GBF1: variants seen among roughly 807,000 people sequenced by gnomAD.
The protein encoded by GBF1 is golgi brefeldin A resistant guanine nucleotide exchange factor 1.
Under a neutral mutation model 210.5 loss-of-function variants are expected in GBF1, and 114 were observed. The observed-to-expected ratio is 0.54, with a 90% CI of 0.47 to 0.63. The LOEUF (loss-of-function observed/expected upper bound fraction) is 0.63. GBF1 is among the 30% of genes least tolerant of loss of function. GBF1 has a pLI of 0.00. For synonymous variants in GBF1, 850 were observed against 889.2 expected (o/e 0.96, Z 0.78); for missense variants, 1,851 against 2,357.7 (o/e 0.79, Z 4.45).
chr10:102,318,429 G>C (rs1009459522), intron 3 of GBF1, among the ~76,000 whole-genome samples: 1 of 149,382 alleles, frequency 6.7e-6, no homozygotes, highest in Non-Finnish European at 1.5e-5. Flanking sequence ...GGGCTCAAGC[G>C]ATCCACCTAC....
At chr10:102,306,845 T>G (rs2077926018) in intron 3 of GBF1, among the ~76,000 whole-genome samples, 1 of 152,266 alleles carries the variant, frequency 6.6e-6, no homozygotes, top group African/African-American at 2.4e-5. Context: ...GAAGCTGGTC[T>G]TGTTTCCTCA....
intron 3 of GBF1, among the ~76,000 whole-genome samples, chr10:102,334,709 C>T (rs966223525): frequency 6.6e-6 from 1 of 152,024 alleles, no homozygotes; most frequent in African/African-American, 2.4e-5. Context: ...ATTAGCCAGG[C>T]GTGGTGGCTT....
intron 3 of GBF1, among the ~76,000 whole-genome samples, chr10:102,330,726 C>G (rs955689646): frequency 1.3e-5 from 2 of 151,878 alleles, no homozygotes; most frequent in East Asian, 3.9e-4. Flanking sequence ...GTAGCTGTTG[C>G]TGATGTCTGA....
chr10:102,305,865 T>G (rs956028965), intron 3 of GBF1, among the ~76,000 whole-genome samples: 18 of 152,230 alleles, frequency 1.2e-4, no homozygotes, highest in African/African-American at 4.1e-4. Flanking sequence ...ATGATCACTT[T>G]AAATGAGTGT....
Position 102,369,288 on chromosome 10 carries a change from C to T in GBF1, c.3051C>T (p.Ala1017=). 1 of 1,613,606 alleles carries T rather than the reference C, an allele frequency of 6.2e-7. No homozygotes were observed. Among genetic ancestry groups the T allele is most frequent in the African/African-American group, 1.3e-5 (1 of 75,032 alleles). ...HIAAKTVFHL[A]HRHGDILREG... ...CAGCCAAGACAGTATTCCATTTGGC[C>T]CATCGTCATGGTGACATCCTGCGGG... The change falls in exon 24 of 40, where the codon GCC becomes GCT. Residue 1017 remains alanine, a synonymous_variant. Coordinates refer to ENST00000369983, the MANE Select transcript of GBF1 (RefSeq NM_001377137.1).
At chr10:102,337,207 T>C (rs2057814433) in intron 3 of GBF1, among the ~76,000 whole-genome samples, 1 of 151,464 alleles carries the variant, frequency 6.6e-6, no homozygotes, top group South Asian at 2.1e-4. Flanking sequence ...CGAAACCCCA[T>C]CTCTACTAAA....
chr10:102,301,147 T>A (rs979221454), intron 3 of GBF1, among the ~76,000 whole-genome samples: 2 of 152,106 alleles, frequency 1.3e-5, no homozygotes, highest in Non-Finnish European at 2.9e-5. Context: ...AGTGTTTGTG[T>A]CCCTGGGTAC....
chr10:102,234,994 C>A, the GBF1 span, among the ~76,000 whole-genome samples: 1 of 152,130 alleles, frequency 6.6e-6, no homozygotes, highest in Middle Eastern at 3.2e-3. Flanking sequence ...CACACACAGG[C>A]CCCCACTCAG....
intron 3 of GBF1, among the ~76,000 whole-genome samples, chr10:102,328,444 G>A (rs201609140): frequency 1.3e-5 from 2 of 152,130 alleles, no homozygotes; most frequent in East Asian, 1.9e-4. Context: ...CCGAGACTGT[G>A]CCACTGCACT....
At position 102,368,353 on chromosome 10, in the gene GBF1, C is replaced by T. The variant is rs370879246; in HGVS notation, c.2778C>T (p.Asp926=). The T allele has an allele frequency of 6.2e-7, 1 of 1,613,700 alleles. No individual in the cohort carries two copies. Among genetic ancestry groups the T allele is most frequent in the African/African-American group, 1.3e-5 (1 of 74,922 alleles). The change falls in exon 22 of 40, where the codon GAC becomes GAT. Residue 926 remains aspartate (D), a synonymous_variant. Transcript: ENST00000369983. ...TGCCTACTGCCAGCTATGATCTTGA[C>T]CTCTTCACCATGACCTGGGGCCCCA... ...LRVPTASYDL[D]LFTMTWGPTI...
At chr10:102,368,673 A>G (rs1354640025) in intron 22 of GBF1, 66 bp from the exon 23 acceptor site, 1 of 1,123,886 alleles carries the variant, frequency 8.9e-7, no homozygotes, top group African/African-American at 1.5e-5. Context: ...ATGCAAGCTC[A>G]GGGACTTGGA....
intron 3 of GBF1, among the ~76,000 whole-genome samples, chr10:102,319,727 T>C (rs1412814013): frequency 6.7e-6 from 1 of 149,518 alleles, no homozygotes; most frequent in Non-Finnish European, 1.5e-5. Flanking sequence ...TCTTTTTCTT[T>C]CTTTTTTTTT....
At position 102,361,066 on chromosome 10, in the gene GBF1, A is replaced by G. The variant is rs905422176; in HGVS notation, c.1437A>G (p.Arg479=). The change falls in exon 13 of 40, where the codon CGA becomes CGG. Residue 479 remains arginine (R), a synonymous_variant. Coordinates refer to ENST00000369983, the MANE Select transcript of GBF1 (RefSeq NM_001377137.1). ...TAAACCTTTATGCTGCTTCCCTGCG[A>G]GTATGCTTCCTACTGTTTGAGAGCA... ...ERLNLYAASL[R]VCFLLFESMR... The G allele has an allele frequency of 4.4e-6, 7 of 1,608,426 alleles. No individual in the cohort carries two copies. Among genetic ancestry groups the G allele is most frequent in the Non-Finnish European group, 5.1e-6 (6 of 1,175,132 alleles).
At chr10:102,231,063 G>T in the GBF1 span, 1 of 1,572,554 alleles carries the variant, frequency 6.4e-7, no homozygotes. Flanking sequence ...GGCTGCGCTC[G>T]CGCTTCCGCC....
chr10:102,361,564 T>G (rs2059605214), intron 13 of GBF1, among the ~76,000 whole-genome samples, 154 bp from the exon 14 acceptor site: 1 of 152,158 alleles, frequency 6.6e-6, no homozygotes, highest in Non-Finnish European at 1.5e-5. Context: ...AAAGAAGAGA[T>G]ATATTTAGGG....
chr10:102,235,199 G>A, the GBF1 span, among the ~76,000 whole-genome samples: 1 of 47,214 alleles, frequency 2.1e-5, no homozygotes, highest in Non-Finnish European at 4.3e-5. Flanking sequence ...CGCCTCCCTG[G>A]CCCCTCTGAA....
intron 23 of GBF1, 113 bp downstream of exon 23, chr10:102,368,945 C>T: frequency 1.4e-6 from 1 of 727,696 alleles, no homozygotes; most frequent in Non-Finnish European, 2.4e-6. Flanking sequence ...CCCTCACTGC[C>T]CCCACTTGAA....
chr10:102,240,287 G>T, the GBF1 span, among the ~76,000 whole-genome samples: 2 of 152,152 alleles, frequency 1.3e-5, no homozygotes, highest in Admixed American at 6.5e-5. Flanking sequence ...CCACTAGCAG[G>T]CTCCTCATTG....
intron 3 of GBF1, among the ~76,000 whole-genome samples, chr10:102,325,550 CAAAA>C (rs140406517): frequency 1.0e-5 from 1 of 96,386 alleles, no homozygotes; most frequent in Admixed American, 1.1e-4. Flanking sequence ...GACTCCGTCT[CAAAA>C]AAAAAAAAAA....
Sources: gnomAD v4.1 joint callset for allele counts (sites outside exome capture counted in the v4.1 genomes callset) on GRCh38, gnomAD v4.1.1 for gene constraint, MANE v1.5 for transcripts, NCBI Gene and HGNC (gene_info 2026-07-23, HGNC 2026-07-21) for gene names.